The following SPAG16 variants were observed in gnomAD, a reference collection of about 807,000 sequenced individuals.
The protein encoded by SPAG16 is sperm associated antigen 16, also known as sperm-associated antigen 16 protein.
A neutral mutation model predicts 80.4 loss-of-function variants in SPAG16; 86 were observed. The observed-to-expected ratio is 1.07, with a 90% CI of 0.90 to 1.28. The LOEUF (loss-of-function observed/expected upper bound fraction) is 1.28, where lower values mean the gene tolerates loss of function less well. Ranked by LOEUF, SPAG16 falls within the 50% of genes most tolerant of loss-of-function variation. SPAG16 has a pLI of 0.00. For missense variants in SPAG16, 870 were observed against 765.3 expected (o/e 1.14, Z -1.61); for synonymous variants, 294 against 265.9 (o/e 1.11, Z -1.03).
intron 10 of SPAG16, among the ~76,000 whole-genome samples, chr2:213,740,434 C>A (rs1345915851): frequency 6.6e-6 from 1 of 152,144 alleles, no homozygotes; most frequent in Non-Finnish European, 1.5e-5. Context: ...CTGCTCACTA[C>A]CAAAAAGAGG....
At chr2:213,914,152 G>T (rs1034781045) in intron 11 of SPAG16, among the ~76,000 whole-genome samples, 18 of 152,046 alleles carry the variant, frequency 1.2e-4, no homozygotes, top group African/African-American at 4.1e-4. Context: ...AAGAGATTTG[G>T]TTAGGGGCTT....
chr2:214,294,002 C>T (rs954036030), intron 15 of SPAG16, among the ~76,000 whole-genome samples: 2 of 152,230 alleles, frequency 1.3e-5, no homozygotes, highest in Non-Finnish European at 2.9e-5. Flanking sequence ...AAATGTCTGG[C>T]TTCCCTTATC....
Position 213,408,743 on chromosome 2 carries a change from G to A in SPAG16, c.942+33624G>A, listed in dbSNP as rs931755126. Among the ~76,000 whole-genome samples the A allele has an allele frequency of 6.6e-5, 10 of 152,262 alleles. No individual in the cohort carries two copies. The Middle Eastern group carries it at 0.01, about 155-fold the overall frequency. On this transcript the variant is annotated intron_variant, in intron 9 of 15. Coordinates refer to ENST00000331683, the MANE Select transcript of SPAG16 (RefSeq NM_024532.5). Reference sequence around the variant, plus strand: ...TTGTAGAAGCAGAGTTAGGAAAATTGCCTAATAATTGGTCTGCTCAAACAT... The same window carrying A: ...TTGTAGAAGCAGAGTTAGGAAAATTACCTAATAATTGGTCTGCTCAAACAT...
chr2:213,735,684 G>T (rs1392086731), intron 10 of SPAG16, among the ~76,000 whole-genome samples: 2 of 152,172 alleles, frequency 1.3e-5, no homozygotes, highest in East Asian at 3.8e-4. Flanking sequence ...AGCTATGATT[G>T]CCACACTTAA....
At chr2:213,886,362 G>C (rs2076554972) in intron 11 of SPAG16, among the ~76,000 whole-genome samples, 2 of 152,098 alleles carry the variant, frequency 1.3e-5, no homozygotes, top group Non-Finnish European at 2.9e-5. Context: ...TGGGCAGGAG[G>C]AGAGTGGTGG....
chr2:214,284,057 A>G (rs1045381741), intron 15 of SPAG16, among the ~76,000 whole-genome samples: 1 of 152,226 alleles, frequency 6.6e-6, no homozygotes, highest in Non-Finnish European at 1.5e-5. Flanking sequence ...TCCAGATAAC[A>G]TCTAGAAATA....
At chr2:214,240,462 C>T (rs1412159616) in intron 15 of SPAG16, 1 of 152,124 alleles carries the variant, frequency 6.6e-6, no homozygotes, top group Non-Finnish European at 1.5e-5. Flanking sequence ...ACAACCATCT[C>T]CGTAAAGATA....
chr2:213,294,502 G>A (rs1014331844), intron 1 of SPAG16, among the ~76,000 whole-genome samples: 1 of 152,180 alleles, frequency 6.6e-6, no homozygotes, highest in Admixed American at 6.5e-5. Flanking sequence ...GGAATAGACT[G>A]CAAGTATGCA....
chr2:214,111,190 C>T (rs989690078), intron 14 of SPAG16, among the ~76,000 whole-genome samples: 3 of 152,110 alleles, frequency 2.0e-5, no homozygotes, highest in Non-Finnish European at 2.9e-5. Flanking sequence ...GTGTTTTAGT[C>T]GTGAAGTTCT....
At chr2:213,443,665 C>G (rs902763623) in intron 9 of SPAG16, among the ~76,000 whole-genome samples, 3 of 152,144 alleles carry the variant, frequency 2.0e-5, no homozygotes, top group African/African-American at 7.2e-5. Context: ...TGGGCATATA[C>G]CCAGCAGAAG....
intron 15 of SPAG16, among the ~76,000 whole-genome samples, chr2:214,204,637 A>AT (rs1291636883): frequency 6.6e-6 from 1 of 152,210 alleles, no homozygotes; most frequent in Non-Finnish European, 1.5e-5. Context: ...AGAAAGCACC[A>AT]CATCAAGGGA....
chr2:213,522,897 T>A (rs771900397), intron 10 of SPAG16, among the ~76,000 whole-genome samples: 7 of 150,706 alleles, frequency 4.6e-5, no homozygotes, highest in Non-Finnish European at 1.0e-4. Flanking sequence ...TATATTTAAA[T>A]TACATATATA....
chr2:213,556,159 T>C (rs1326908950), intron 10 of SPAG16, among the ~76,000 whole-genome samples: 1 of 150,692 alleles, frequency 6.6e-6, no homozygotes, highest in Non-Finnish European at 1.5e-5. Flanking sequence ...AGCTAAAAAA[T>C]GAAGAAAGGA....
chr2:214,292,130 A>T (rs1346822056), intron 15 of SPAG16, among the ~76,000 whole-genome samples: 1 of 152,068 alleles, frequency 6.6e-6, no homozygotes, highest in Non-Finnish European at 1.5e-5. Context: ...GTCTGATGGG[A>T]GTTCCTTTAT....
intron 10 of SPAG16, among the ~76,000 whole-genome samples, chr2:213,561,608 C>T (rs1208393725): frequency 6.6e-6 from 1 of 152,130 alleles, no homozygotes; most frequent in African/African-American, 2.4e-5. Context: ...AAATTTTGCT[C>T]CCTGAAGTGG....
At chr2:213,654,108 A>T (rs1379283887) in intron 10 of SPAG16, among the ~76,000 whole-genome samples, 1 of 152,188 alleles carries the variant, frequency 6.6e-6, no homozygotes, top group African/African-American at 2.4e-5. Context: ...AATCTCTCTG[A>T]TAGTCAATAC....
intron 12 of SPAG16, among the ~76,000 whole-genome samples, chr2:213,938,500 A>G: frequency 6.6e-6 from 1 of 152,028 alleles, no homozygotes; most frequent in Non-Finnish European, 1.5e-5. Flanking sequence ...TAATTATTTG[A>G]CTATCTTAAA....
intron 10 of SPAG16, among the ~76,000 whole-genome samples, chr2:213,657,212 A>G (rs1162779432): frequency 1.3e-5 from 2 of 152,172 alleles, no homozygotes; most frequent in African/African-American, 4.8e-5. Flanking sequence ...ATGTAAAGTG[A>G]TAAGTGCATC....
At chr2:214,272,832 G>T (rs1487874819) in intron 15 of SPAG16, among the ~76,000 whole-genome samples, 1 of 149,220 alleles carries the variant, frequency 6.7e-6, no homozygotes, top group Non-Finnish European at 1.5e-5. Flanking sequence ...GGGTCAAATG[G>T]TATTTCTAGT....
Sources: gnomAD v4.1 joint callset for allele counts (sites outside exome capture counted in the v4.1 genomes callset) on GRCh38, gnomAD v4.1.1 for gene constraint, MANE v1.5 for transcripts, NCBI Gene and HGNC (gene_info 2026-07-23, HGNC 2026-07-21) for gene names.